Variants in PCCA observed in about 807,000 individuals in gnomAD.
PCCA encodes the protein propionyl-CoA carboxylase alpha chain, mitochondrial.
In PCCA, 74 loss-of-function variants were observed where a neutral mutation model predicts 101.3. That is an observed-to-expected ratio of 0.73 (90% CI 0.61 to 0.89). The LOEUF is 0.89. Ranked by LOEUF, PCCA falls within the 40% of genes least tolerant of loss-of-function variation. PCCA has a pLI of 0.00. For synonymous variants in PCCA, 294 were observed against 313.6 expected (o/e 0.94, Z 0.66); for missense variants, 891 against 907.0 (o/e 0.98, Z 0.23).
At chr13:100,348,814 T>C (rs1438945712) in intron 18 of PCCA, among the ~76,000 whole-genome samples, 22 of 73,558 alleles carry the variant, frequency 3.0e-4, no homozygotes, top group Non-Finnish European at 5.0e-4. Context: ...CTTCCTTCCT[T>C]CCTTTCTTTC....
intron 21 of PCCA, among the ~76,000 whole-genome samples, chr13:100,508,988 G>A (rs1227530479): frequency 6.6e-6 from 1 of 152,046 alleles, no homozygotes; most frequent in African/African-American, 2.4e-5. Context: ...TATAATAAGG[G>A]CCACTCTGTA....
At chr13:100,243,230 A>G (rs1259824272) in intron 8 of PCCA, among the ~76,000 whole-genome samples, 4 of 152,212 alleles carry the variant, frequency 2.6e-5, no homozygotes, top group Non-Finnish European at 5.9e-5. Context: ...ACCATGAGTT[A>G]GTTTTCTTTG....
chr13:100,198,914 ATTT>A (rs55731223), intron 6 of PCCA, among the ~76,000 whole-genome samples: 7,715 of 143,926 alleles, frequency 0.054, 209 homozygotes, highest in Middle Eastern at 0.077. Context: ...GTACTTTACA[ATTT>A]TTTTTTTTTT....
chr13:100,455,318 A>T (rs2081622567), intron 21 of PCCA, among the ~76,000 whole-genome samples: 1 of 152,132 alleles, frequency 6.6e-6, no homozygotes, highest in African/African-American at 2.4e-5. Context: ...CCATTCTGTC[A>T]CTCATTCTCT....
chr13:100,376,285 A>G (rs1298974117), intron 19 of PCCA, among the ~76,000 whole-genome samples: 4 of 152,166 alleles, frequency 2.6e-5, no homozygotes, highest in African/African-American at 9.7e-5. Context: ...GTGTCTGTCA[A>G]TCCCTGCGGG....
intron 4 of PCCA, among the ~76,000 whole-genome samples, chr13:100,120,713 C>A (rs1448062280): frequency 6.6e-6 from 1 of 152,032 alleles, no homozygotes; most frequent in Non-Finnish European, 1.5e-5. Flanking sequence ...GGGAGTTAAG[C>A]CTCTTATTAA....
intron 21 of PCCA, among the ~76,000 whole-genome samples, chr13:100,469,443 G>A (rs1204288104): frequency 6.6e-6 from 1 of 152,042 alleles, no homozygotes; most frequent in African/African-American, 2.4e-5. Flanking sequence ...CTTTGGAATT[G>A]CCAGATAAAC....
chr13:100,496,889 A>T (rs1303400788), intron 21 of PCCA, among the ~76,000 whole-genome samples: 1 of 152,190 alleles, frequency 6.6e-6, no homozygotes, highest in Non-Finnish European at 1.5e-5. Context: ...CCATGAACAC[A>T]GCCATGGAGC....
intron 6 of PCCA, among the ~76,000 whole-genome samples, chr13:100,196,629 C>T (rs184674441): frequency 1.3e-5 from 2 of 152,254 alleles, no homozygotes; most frequent in East Asian, 3.9e-4. Context: ...CAGAAAGACA[C>T]AGGTTCCTTT....
At chr13:100,271,736 G>A (rs766785758) in intron 11 of PCCA, among the ~76,000 whole-genome samples, 1 of 152,130 alleles carries the variant, frequency 6.6e-6, no homozygotes, top group Non-Finnish European at 1.5e-5. Context: ...CTTGTTTTTT[G>A]TGTAGTTGTG....
intron 4 of PCCA, among the ~76,000 whole-genome samples, chr13:100,121,568 A>G (rs1005113887): frequency 2.7e-5 from 4 of 149,682 alleles, no homozygotes; most frequent in African/African-American, 9.9e-5. Flanking sequence ...TCCGCCTCCC[A>G]GGTTCAAGCA....
At chr13:100,214,692 C>T (rs964310846) in intron 7 of PCCA, among the ~76,000 whole-genome samples, 1 of 152,122 alleles carries the variant, frequency 6.6e-6, no homozygotes, top group Admixed American at 6.6e-5. Context: ...TCCCAAAGTG[C>T]TGGGATTACA....
chr13:100,435,947 A>T (rs1206171035), intron 20 of PCCA, among the ~76,000 whole-genome samples: 1 of 152,030 alleles, frequency 6.6e-6, no homozygotes, highest in Non-Finnish European at 1.5e-5. Flanking sequence ...GGAGGCAAAG[A>T]CAGGAGAATT....
In PCCA at chr13:100,319,478, A is replaced by G. The variant is rs1053681397; in HGVS notation, c.1429+9570A>G. On this transcript the variant is annotated intron_variant, in intron 16 of 23. Coordinates refer to ENST00000376285, the MANE Select transcript of PCCA (RefSeq NM_000282.4). ...GTTTTTATGGTTTTAGGCCTAACATATAAGTCTTTAATCCATCTTGAATGA... is the reference window on the plus strand; with the variant it reads ...GTTTTTATGGTTTTAGGCCTAACATGTAAGTCTTTAATCCATCTTGAATGA... Among the ~76,000 whole-genome samples, 781 of 152,250 alleles carry G rather than the reference A, an allele frequency of 5.1e-3. 8 individuals carry two copies. Among genetic ancestry groups the G allele is most frequent in the Non-Finnish European group, 6.9e-3 (469 of 68,020 alleles).
intron 19 of PCCA, among the ~76,000 whole-genome samples, chr13:100,381,682 CG>C (rs2076236246): frequency 1.3e-5 from 2 of 152,344 alleles, no homozygotes; most frequent in Non-Finnish European, 1.5e-5. Flanking sequence ...CGCTTTGCCA[CG>C]GGGTGCCTCC....
intron 22 of PCCA, among the ~76,000 whole-genome samples, chr13:100,517,479 ACCCAC>A (rs1379058665): frequency 1.3e-5 from 2 of 152,198 alleles, no homozygotes; most frequent in Admixed American, 1.3e-4. Flanking sequence ...TATTAAAAAC[ACCCAC>A]CAATAATTAA....
intron 2 of PCCA, among the ~76,000 whole-genome samples, chr13:100,104,791 CCT>C (rs1486988153): frequency 6.6e-6 from 1 of 152,118 alleles, no homozygotes. Context: ...GCAACCTCCA[CCT>C]CCCAGGTTCA....
intron 16 of PCCA, among the ~76,000 whole-genome samples, chr13:100,311,924 G>C (rs1044508618): frequency 1.3e-5 from 2 of 152,280 alleles, no homozygotes; most frequent in East Asian, 1.9e-4. Flanking sequence ...ATTGCACCCT[G>C]TTCAAATACT....
Position 100,425,710 on chromosome 13 carries a change from T to C in PCCA, c.1824T>C (p.Asp608=), listed in dbSNP as rs1008553303. ...LASPLLSVSV[D]GTQRTVQCLS... is the part of the protein sequence containing the mutation. ...CGCCCTTATTGTCTGTCAGCGTTGATGGCACTCAGAGGACTGTCCAGGTGA... is the reference window on the plus strand; with the variant it reads ...CGCCCTTATTGTCTGTCAGCGTTGACGGCACTCAGAGGACTGTCCAGGTGA... The change falls in exon 20 of 24, where the codon GAT becomes GAC. Residue 608 remains aspartate (D), a synonymous_variant. Transcript: ENST00000376285. The C allele has an allele frequency of 1.9e-6, 3 of 1,613,372 alleles. No individual in the cohort carries two copies. The highest frequency in any genetic ancestry group is 2.5e-6 in the Non-Finnish European group (3 of 1,179,386).
Sources: allele counts gnomAD v4.1 joint callset (sites outside exome capture counted in the v4.1 genomes callset), GRCh38; gene constraint gnomAD v4.1.1; transcripts MANE v1.5; gene names NCBI Gene and HGNC (gene_info 2026-07-23, HGNC 2026-07-21).